Variants in GNAQ observed in about 807,000 individuals in gnomAD.
GNAQ encodes G protein subunit alpha q, also known as guanine nucleotide-binding protein G(q) subunit alpha.
In GNAQ, 8 loss-of-function variants were observed where a neutral mutation model predicts 43.9. The observed-to-expected ratio is 0.18, with a 90% CI of 0.11 to 0.33. The LOEUF is 0.33. Ranked by LOEUF, GNAQ falls within the 10% of genes least tolerant of loss-of-function variation. The pLI, the probability that GNAQ is intolerant of heterozygous loss-of-function variation, is 1.00. For synonymous variants in GNAQ, 155 were observed against 170.7 expected, an observed-to-expected ratio of 0.91 and a Z score of 0.71; for missense variants, 158 against 450.8, an observed-to-expected ratio of 0.35 and a Z score of 5.88.
At chr9:77,727,557 CA>C (rs1825416424) in intron 6 of GNAQ, among the ~76,000 whole-genome samples, 1 of 152,148 alleles carries the variant, frequency 6.6e-6, no homozygotes, top group Non-Finnish European at 1.5e-5. Flanking sequence ...AAGTGCTGCA[CA>C]AAGAGCTTAA....
chr9:77,734,122 T>G (rs904147134), intron 5 of GNAQ, among the ~76,000 whole-genome samples: 1 of 152,204 alleles, frequency 6.6e-6, no homozygotes, highest in Non-Finnish European at 1.5e-5. Flanking sequence ...CAGGCTGGCT[T>G]TCCTTATCCC....
Position 77,787,768 on chromosome 9 carries a change from G to A in GNAQ, c.735+6695C>T, listed in dbSNP as rs532478315. Among the ~76,000 whole-genome samples, 4 of 152,302 alleles carry A rather than the reference G, an allele frequency of 2.6e-5. No homozygotes were observed. In the South Asian group the frequency reaches 8.3e-4, roughly 32 times the overall value. ...CTGCTGGCCAGGCATGGTGGCTCAC[G>A]CCTGTTATCCCAGCACTTTGGGAGG... On this transcript the variant is annotated intron_variant, in intron 5 of 6. Transcript: ENST00000286548.
chr9:77,759,002 T>C (rs1307085948), intron 5 of GNAQ, among the ~76,000 whole-genome samples: 3 of 152,152 alleles, frequency 2.0e-5, no homozygotes, highest in East Asian at 1.9e-4. Context: ...ACTAAACATA[T>C]AGATAAGAAT....
Position 77,868,677 on chromosome 9 carries a change from T to C in GNAQ, c.322-52907A>G, listed in dbSNP as rs867448911. ...TGGGTGTGGTGGCACGTGCCTGTAA[T>C]CCAGCTACTCAGGAGGCTGAGGCAG... On this transcript the variant is annotated intron_variant, in intron 2 of 6. Transcript: ENST00000286548. Among the ~76,000 whole-genome samples, 9 of 152,090 alleles carry C rather than the reference T, an allele frequency of 5.9e-5. No individual in the cohort carries two copies. In the South Asian group the frequency reaches 1.0e-3, roughly 18 times the overall value.
intron 2 of GNAQ, among the ~76,000 whole-genome samples, chr9:77,906,994 T>C (rs1345332140): frequency 6.6e-6 from 1 of 152,244 alleles, no homozygotes; most frequent in Non-Finnish European, 1.5e-5. Flanking sequence ...TTCTATGTTA[T>C]CTGAATTTTT....
At chr9:77,764,586 A>C (rs1381803906) in intron 5 of GNAQ, among the ~76,000 whole-genome samples, 1 of 151,776 alleles carries the variant, frequency 6.6e-6, no homozygotes. Flanking sequence ...CTCCCGAGTA[A>C]CTGGGACTAC....
intron 5 of GNAQ, among the ~76,000 whole-genome samples, chr9:77,760,704 C>A (rs1281516273): frequency 1.3e-5 from 2 of 151,754 alleles, no homozygotes; most frequent in Non-Finnish European, 2.9e-5. Flanking sequence ...TGCCTGGCTG[C>A]CCAGTCTGGA....
chr9:77,827,977 G>A lies in GNAQ; in HGVS notation c.322-12207C>T, dbSNP rs1039215611. On this transcript the variant is annotated intron_variant, in intron 2 of 6. Coordinates refer to ENST00000286548, the MANE Select transcript of GNAQ (RefSeq NM_002072.5). ...TGGGAGGCTGAGGCAGGAGAATGGCGTGAACCCGGGAGGCAGAGCTTGCAG... is the reference window on the plus strand; with the variant it reads ...TGGGAGGCTGAGGCAGGAGAATGGCATGAACCCGGGAGGCAGAGCTTGCAG... 4.1e-5 allele frequency among the ~76,000 whole-genome samples: 6 copies of A among 146,194 alleles called. No individual in the cohort carries two copies. In the South Asian group the frequency reaches 6.6e-4, roughly 16 times the overall value.
At chr9:77,884,238 G>A (rs1055054573) in intron 2 of GNAQ, among the ~76,000 whole-genome samples, 12 of 152,192 alleles carry the variant, frequency 7.9e-5, no homozygotes, top group Admixed American at 6.5e-5. Flanking sequence ...TCCAGCACTT[G>A]CTTCTGGCAA....
intron 1 of GNAQ, among the ~76,000 whole-genome samples, chr9:77,982,968 A>G (rs1347417547): frequency 6.6e-6 from 1 of 152,206 alleles, no homozygotes; most frequent in Non-Finnish European, 1.5e-5. Context: ...TAAAAAAGTC[A>G]AAACCAGTAT....
chr9:77,761,831 C>T (rs1272213580), intron 5 of GNAQ, among the ~76,000 whole-genome samples: 5 of 60,382 alleles, frequency 8.3e-5, no homozygotes, highest in South Asian at 6.1e-4. Flanking sequence ...GGCCAGCCGC[C>T]CCGTCCGGGA....
chr9:77,724,907 TC>T (rs1398094568), intron 6 of GNAQ, among the ~76,000 whole-genome samples: 1 of 151,864 alleles, frequency 6.6e-6, no homozygotes, highest in Non-Finnish European at 1.5e-5. Flanking sequence ...TCCATCTTTT[TC>T]AATGTACTAT....
At chr9:78,019,748 C>T (rs998157981) in intron 1 of GNAQ, among the ~76,000 whole-genome samples, 22 of 151,854 alleles carry the variant, frequency 1.4e-4, no homozygotes, top group African/African-American at 5.3e-4. Flanking sequence ...CATGGTGAAA[C>T]CCCGTCTCTA....
chr9:78,029,704 T>C (rs1355492174), intron 1 of GNAQ, among the ~76,000 whole-genome samples: 1 of 152,206 alleles, frequency 6.6e-6, no homozygotes, highest in Admixed American at 6.5e-5. Flanking sequence ...ATCCAGTACA[T>C]AAGCAGTTCA....
chr9:77,827,048 A>G (rs542855803), intron 2 of GNAQ, among the ~76,000 whole-genome samples: 1 of 152,330 alleles, frequency 6.6e-6, no homozygotes, highest in Admixed American at 6.5e-5. Flanking sequence ...GTTACATGTA[A>G]TAATTATAGT....
intron 2 of GNAQ, among the ~76,000 whole-genome samples, chr9:77,911,717 C>G (rs538060577): frequency 1.3e-5 from 2 of 152,154 alleles, no homozygotes; most frequent in East Asian, 1.9e-4. Context: ...CATGTTGGCC[C>G]AAAAAGCGAT....
intron 5 of GNAQ, among the ~76,000 whole-genome samples, chr9:77,774,951 A>G (rs1826284671): frequency 6.6e-6 from 1 of 152,222 alleles, no homozygotes; most frequent in South Asian, 2.1e-4. Context: ...CCCTGCTAAC[A>G]GTCTGAATTA....
At position 77,735,153 on chromosome 9, in the gene GNAQ, A is replaced by G. The variant is rs187416751; in HGVS notation, c.736-6486T>C. Among the ~76,000 whole-genome samples, 128 of 152,318 alleles carry G rather than the reference A, an allele frequency of 8.4e-4. 1 individual carries two copies. The highest frequency in any genetic ancestry group is 1.5e-3 in the Non-Finnish European group (103 of 68,024). ...CAGAATTCATACAAGACCGTTTTAA[A>G]TAACACTCTTCACTCTCTTTTTTAA... On this transcript the variant is annotated intron_variant, in intron 5 of 6. Coordinates refer to ENST00000286548, the MANE Select transcript of GNAQ (RefSeq NM_002072.5).
intron 2 of GNAQ, among the ~76,000 whole-genome samples, chr9:77,878,805 G>C (rs1279394303): frequency 6.6e-6 from 1 of 152,120 alleles, no homozygotes; most frequent in Non-Finnish European, 1.5e-5. Context: ...CAGCACTTTG[G>C]GAGGCCAAGG....
Sources: allele counts gnomAD v4.1 joint callset (sites outside exome capture counted in the v4.1 genomes callset), GRCh38; gene constraint gnomAD v4.1.1; transcripts MANE v1.5; gene names NCBI Gene and HGNC (gene_info 2026-07-23, HGNC 2026-07-21).